Variants in KCNH7 observed in about 807,000 individuals in gnomAD.
The protein encoded by KCNH7 is potassium voltage-gated channel subfamily H member 7.
KCNH7 carries 49 observed loss-of-function variants against 120.8 expected under a neutral mutation model. The observed-to-expected ratio is 0.41, with a 90% confidence interval of 0.32 to 0.51. The LOEUF (loss-of-function observed/expected upper bound fraction) is 0.51. Among genes scored for constraint, KCNH7 ranks in the 20% least tolerant of loss-of-function variants. KCNH7 has a pLI of 0.38. For missense variants in KCNH7, 1,097 were observed against 1,446.6 expected, an observed-to-expected ratio of 0.76 and a Z score of 3.92; for synonymous variants, 547 against 516.1, an observed-to-expected ratio of 1.06 and a Z score of -0.81.
At chr2:162,479,685 GT>G (rs1689863796) in intron 6 of KCNH7, among the ~76,000 whole-genome samples, 1 of 151,662 alleles carries the variant, frequency 6.6e-6, no homozygotes, top group Non-Finnish European at 1.5e-5. Context: ...GTGTGTGTGT[GT>G]GTGTGTGTGT....
intron 2 of KCNH7, among the ~76,000 whole-genome samples, chr2:162,752,986 A>AAGAAAAGAAAAGAAAAGAAAAGAAAAG (rs1688645087): frequency 7.4e-6 from 1 of 135,392 alleles, no homozygotes; most frequent in Non-Finnish European, 1.5e-5. Flanking sequence ...AAGAAAAGAA[A>AAGAAAAGAAAAGAAAAGAAAAGAAAAG]AGAAAAGAAA....
chr2:162,373,916 C>T (rs184592194), intron 14 of KCNH7, among the ~76,000 whole-genome samples: 2 of 152,268 alleles, frequency 1.3e-5, no homozygotes. Flanking sequence ...AAATAGACTA[C>T]ATGTTTACTA....
chr2:162,392,631 C>T (rs190108638), intron 12 of KCNH7, among the ~76,000 whole-genome samples: 2 of 152,072 alleles, frequency 1.3e-5, no homozygotes, highest in Admixed American at 1.3e-4. Context: ...ATATTTTCCA[C>T]TTTCACGGAA....
chr2:162,598,563 T>A (rs1019467397), intron 2 of KCNH7, among the ~76,000 whole-genome samples: 2 of 152,116 alleles, frequency 1.3e-5, no homozygotes, highest in South Asian at 4.1e-4. Context: ...CTTAAACTAA[T>A]TTAAAAGACC....
chr2:162,638,344 G>A (rs540238247), intron 2 of KCNH7, among the ~76,000 whole-genome samples: 1 of 152,140 alleles, frequency 6.6e-6, no homozygotes, highest in East Asian at 1.9e-4. Flanking sequence ...TTTTTCAAAT[G>A]TTGATTTGAA....
intron 2 of KCNH7, among the ~76,000 whole-genome samples, chr2:162,776,480 A>G (rs779850189): frequency 2.6e-5 from 4 of 152,156 alleles, no homozygotes; most frequent in Non-Finnish European, 5.9e-5. Context: ...AGTGGTAGAG[A>G]CAGACAAAAA....
chr2:162,489,114 A>G (rs1001094393), intron 6 of KCNH7, among the ~76,000 whole-genome samples: 23 of 152,248 alleles, frequency 1.5e-4, no homozygotes, highest in African/African-American at 4.8e-4. Context: ...TAGTAAAAAT[A>G]GAAAACTAAT....
At chr2:162,446,487 T>A in intron 6 of KCNH7, 44 bp from the exon 7 acceptor site, 1 of 1,412,306 alleles carries the variant, frequency 7.1e-7, no homozygotes, top group Non-Finnish European at 9.7e-7. Context: ...AATATGCCAT[T>A]TTTAATCTGG....
At chr2:162,450,465 T>C (rs1018167729) in intron 6 of KCNH7, among the ~76,000 whole-genome samples, 18 of 152,088 alleles carry the variant, frequency 1.2e-4, no homozygotes, top group Admixed American at 6.6e-5. Flanking sequence ...TCATGACTTT[T>C]AATAGCCAAA....
chr2:162,709,187 A>C (rs1457398941), intron 2 of KCNH7, among the ~76,000 whole-genome samples: 1 of 152,102 alleles, frequency 6.6e-6, no homozygotes, highest in East Asian at 1.9e-4. Context: ...AATAAAGTTC[A>C]TTTTAGTCCT....
intron 2 of KCNH7, among the ~76,000 whole-genome samples, chr2:162,554,609 C>T (rs539570915): frequency 3.9e-5 from 6 of 152,230 alleles, no homozygotes; most frequent in African/African-American, 1.4e-4. Flanking sequence ...TTCAAGCAAG[C>T]AATGTAGCAT....
At chr2:162,786,480 A>G (rs919582948) in intron 2 of KCNH7, among the ~76,000 whole-genome samples, 1 of 152,172 alleles carries the variant, frequency 6.6e-6, no homozygotes, top group Non-Finnish European at 1.5e-5. Flanking sequence ...TGGGAATGCG[A>G]CTTTTTGAGC....
At chr2:162,640,451 A>G (rs1684113643) in intron 2 of KCNH7, among the ~76,000 whole-genome samples, 1 of 152,210 alleles carries the variant, frequency 6.6e-6, no homozygotes, top group South Asian at 2.1e-4. Flanking sequence ...TGGAAGAAGG[A>G]TACCTTTTTC....
In KCNH7 at chr2:162,472,424, T is replaced by A. The variant is rs1329045777; in HGVS notation, c.1129-25981A>T. ...ACAAACAACCCCATCAACAAGTGGG[T>A]AAAGGATATGAACAGACACTTCACA... On this transcript the variant is annotated intron_variant, in intron 6 of 15. Coordinates refer to ENST00000332142, the MANE Select transcript of KCNH7 (RefSeq NM_033272.4). Among the ~76,000 whole-genome samples the A allele has an allele frequency of 6.6e-5, 10 of 151,836 alleles. No individual in the cohort carries two copies. In the East Asian group the frequency reaches 1.9e-3, roughly 30 times the overall value.
At chr2:162,614,795 G>A (rs1683087283) in intron 2 of KCNH7, among the ~76,000 whole-genome samples, 1 of 150,520 alleles carries the variant, frequency 6.6e-6, no homozygotes, top group South Asian at 2.1e-4. Context: ...ACTTTTTCTA[G>A]GTGGTAAGAA....
At chr2:162,419,274 TAAAAA>T (rs758417385) in intron 9 of KCNH7, among the ~76,000 whole-genome samples, 5 of 61,870 alleles carry the variant, frequency 8.1e-5, no homozygotes, top group Non-Finnish European at 9.6e-5. Context: ...TGTCCCAGGC[TAAAAA>T]AAAAAAAAAA....
At chr2:162,540,925 G>T (rs1300089782) in intron 2 of KCNH7, among the ~76,000 whole-genome samples, 1 of 152,060 alleles carries the variant, frequency 6.6e-6, no homozygotes, top group Non-Finnish European at 1.5e-5. Flanking sequence ...TGTTGCAGGT[G>T]GTAATGAGGG....
chr2:162,376,180 G>T (rs13412747), intron 14 of KCNH7, among the ~76,000 whole-genome samples: 1 of 152,082 alleles, frequency 6.6e-6, no homozygotes, highest in Admixed American at 6.6e-5. Context: ...TGATTTCACA[G>T]TGCTAACAGG....
intron 2 of KCNH7, among the ~76,000 whole-genome samples, chr2:162,814,232 A>C (rs1165435385): frequency 6.6e-6 from 1 of 152,166 alleles, no homozygotes; most frequent in Non-Finnish European, 1.5e-5. Context: ...GGAGGCAGCT[A>C]CTCTGGGCCA....
Sources: allele counts gnomAD v4.1 joint callset (sites outside exome capture counted in the v4.1 genomes callset), GRCh38; gene constraint gnomAD v4.1.1; transcripts MANE v1.5; gene names NCBI Gene and HGNC (gene_info 2026-07-23, HGNC 2026-07-21).